Variants in UBE2G1 observed in about 807,000 individuals in gnomAD.
UBE2G1 encodes the protein ubiquitin conjugating enzyme E2 G1, also known as ubiquitin-conjugating enzyme E2 G1.
In UBE2G1, 5 loss-of-function variants were observed where a neutral mutation model predicts 22.7. The ratio of observed to expected loss-of-function variants is 0.22; its 90% CI spans 0.12 to 0.46. The LOEUF (loss-of-function observed/expected upper bound fraction) is 0.46. Ranked by LOEUF, UBE2G1 falls within the 20% of genes least tolerant of loss-of-function variation. UBE2G1 has a pLI of 0.99. For missense variants in UBE2G1, 88 were observed against 203.9 expected (o/e 0.43, Z 3.46); for synonymous variants, 74 against 67.5 (o/e 1.10, Z -0.47).
chr17:4,307,189 C>T, intron 1 of UBE2G1, 66 bp from the exon 2 acceptor site: 3 of 1,349,628 alleles, frequency 2.2e-6, no homozygotes, highest in East Asian at 2.3e-5. Flanking sequence ...AGATAAATTA[C>T]AGAACTTGAG....
intron 1 of UBE2G1, among the ~76,000 whole-genome samples, chr17:4,365,150 G>A (rs1195997084): frequency 4.6e-5 from 7 of 152,346 alleles, no homozygotes; most frequent in Non-Finnish European, 7.3e-5. Flanking sequence ...CCAGTCTTTG[G>A]CTTCTGCTGA....
At chr17:4,333,715 GGAGGCT>G (rs544870951) in intron 1 of UBE2G1, among the ~76,000 whole-genome samples, 35 of 152,230 alleles carry the variant, frequency 2.3e-4, no homozygotes, top group Admixed American at 6.5e-4. Context: ...CAGCTACTGG[GGAGGCT>G]GAGGCAGGGG....
intron 1 of UBE2G1, among the ~76,000 whole-genome samples, chr17:4,324,423 G>T (rs1969478007): frequency 6.6e-6 from 1 of 152,156 alleles, no homozygotes; most frequent in African/African-American, 2.4e-5. Flanking sequence ...TGAGTTAAAT[G>T]AATTATTAAA....
At position 4,271,801 on chromosome 17, in the gene UBE2G1, C is replaced by A. The variant is rs1968763033; in HGVS notation, c.*753G>T. On this transcript the variant is annotated 3_prime_UTR_variant, in exon 6 of 6. Coordinates refer to ENST00000396981, the MANE Select transcript of UBE2G1 (RefSeq NM_003342.5). ...CAGGGGTAATGACTGGGATCAAGAG[C>A]TCACAACGGCCAATAAATGTTATTG... 6.6e-6 allele frequency: 1 copy of A among 151,296 alleles called. No individual in the cohort carries two copies. Among genetic ancestry groups the A allele is most frequent in the Admixed American group, 6.6e-5 (1 of 15,076 alleles). The allele number at this position is 151,296 out of a possible 1,614,324, so 9.4% of individuals were successfully genotyped here. A position where few individuals can be genotyped will look rare whatever the true frequency, so the allele number is the denominator to read the frequency against.
At chr17:4,366,165 G>A (rs2143846342) in intron 1 of UBE2G1, 106 bp downstream of exon 1, 11 of 1,241,748 alleles carry the variant, frequency 8.9e-6, no homozygotes, top group East Asian at 3.2e-5. Context: ...TCGCAGGCCC[G>A]GGCCCCTTCG....
At chr17:4,358,752 G>A (rs1969935152) in intron 1 of UBE2G1, among the ~76,000 whole-genome samples, 3 of 152,140 alleles carry the variant, frequency 2.0e-5, no homozygotes. Flanking sequence ...AGGAGTTCAA[G>A]ACCAGCCTGA....
chr17:4,332,311 C>T (rs552751171), intron 1 of UBE2G1, among the ~76,000 whole-genome samples: 66 of 152,218 alleles, frequency 4.3e-4, no homozygotes, highest in African/African-American at 1.5e-3. Context: ...TGGAACATAA[C>T]CAGCACTCAT....
At chr17:4,292,200 C>T (rs537412424) in intron 3 of UBE2G1, among the ~76,000 whole-genome samples, 1 of 151,794 alleles carries the variant, frequency 6.6e-6, no homozygotes, top group East Asian at 1.9e-4. Flanking sequence ...GTGGCACGCA[C>T]CTGTAATCCC....
intron 2 of UBE2G1, chr17:4,302,432 C>A: frequency 2.0e-6 from 1 of 505,186 alleles, no homozygotes; most frequent in Non-Finnish European, 4.1e-6. Context: ...CCAACAGTGG[C>A]ATCTGTAGTT....
intron 1 of UBE2G1, among the ~76,000 whole-genome samples, chr17:4,312,711 A>AC (rs1555521326): frequency 6.6e-5 from 10 of 151,288 alleles, no homozygotes; most frequent in African/African-American, 2.4e-4. Context: ...AAAAAAAAAA[A>AC]AAAACAAAAG....
chr17:4,352,993 C>T (rs1445764181), intron 1 of UBE2G1, among the ~76,000 whole-genome samples: 2 of 152,024 alleles, frequency 1.3e-5, no homozygotes, highest in Non-Finnish European at 2.9e-5. Context: ...GTGAGACGGA[C>T]GGATCACGAG....
At chr17:4,301,548 T>A in intron 2 of UBE2G1, 1 of 1,333,654 alleles carries the variant, frequency 7.5e-7, no homozygotes, top group Admixed American at 1.7e-5. Context: ...GCTATATGCC[T>A]GGTATTCTTG....
intron 1 of UBE2G1, among the ~76,000 whole-genome samples, chr17:4,360,643 G>A (rs994059186): frequency 2.0e-4 from 31 of 152,254 alleles, no homozygotes; most frequent in Admixed American, 1.6e-3. Flanking sequence ...CCGGCGCAGT[G>A]GCTCACGCCT....
intron 5 of UBE2G1, among the ~76,000 whole-genome samples, chr17:4,276,490 A>G (rs1968823408): frequency 6.6e-6 from 1 of 152,098 alleles, no homozygotes; most frequent in Non-Finnish European, 1.5e-5. Flanking sequence ...GTTTAACCTT[A>G]CTTTGTTTTA....
chr17:4,318,978 C>T (rs1291647507), intron 1 of UBE2G1, among the ~76,000 whole-genome samples: 1 of 152,104 alleles, frequency 6.6e-6, no homozygotes, highest in Non-Finnish European at 1.5e-5. Context: ...TATAAAGCAA[C>T]AGGAGACCTT....
chr17:4,276,407 T>C (rs1968822167), intron 5 of UBE2G1, among the ~76,000 whole-genome samples: 1 of 152,012 alleles, frequency 6.6e-6, no homozygotes, highest in Non-Finnish European at 1.5e-5. Context: ...CACCCACCGA[T>C]CTTCGCCTCC....
intron 1 of UBE2G1, among the ~76,000 whole-genome samples, chr17:4,337,596 T>C (rs1181456174): frequency 2.0e-5 from 3 of 147,124 alleles, no homozygotes; most frequent in East Asian, 4.0e-4. Context: ...GAGGTTGCAA[T>C]GAGCTGAAAT....
chr17:4,352,193 A>C (rs1285907322), intron 1 of UBE2G1, among the ~76,000 whole-genome samples: 1 of 152,238 alleles, frequency 6.6e-6, no homozygotes, highest in East Asian at 1.9e-4. Context: ...TCATCGTATC[A>C]ACATTAATTT....
intron 2 of UBE2G1, chr17:4,302,504 C>A: frequency 2.2e-6 from 1 of 455,870 alleles, no homozygotes. Context: ...CTTGGGGTGG[C>A]CATCATTTCC....
Sources: gnomAD v4.1 joint callset for allele counts (sites outside exome capture counted in the v4.1 genomes callset) on GRCh38, gnomAD v4.1.1 for gene constraint, MANE v1.5 for transcripts, NCBI Gene and HGNC (gene_info 2026-07-23, HGNC 2026-07-21) for gene names.